Variants in PTGIS observed in about 807,000 individuals in gnomAD.
The protein encoded by PTGIS is prostaglandin I2 synthase.
Under a neutral mutation model 50.3 loss-of-function variants are expected in PTGIS, and 45 were observed. That is an observed-to-expected ratio of 0.90 (90% CI 0.70 to 1.15). PTGIS has a LOEUF of 1.15. PTGIS is among the 50% of genes most tolerant of loss of function. The pLI is 0.00. For synonymous variants in PTGIS, 260 were observed against 267.7 expected (o/e 0.97, Z 0.28); for missense variants, 668 against 661.3 (o/e 1.01, Z -0.11).
At chr20:49,546,143 T>A (rs1982352583) in intron 3 of PTGIS, among the ~76,000 whole-genome samples, 1 of 152,098 alleles carries the variant, frequency 6.6e-6, no homozygotes, top group African/African-American at 2.4e-5. Flanking sequence ...CCCACCCCAC[T>A]CCAAGCGCTG....
At chr20:49,549,020 T>C (rs965972402) in intron 2 of PTGIS, among the ~76,000 whole-genome samples, 6 of 151,140 alleles carry the variant, frequency 4.0e-5, no homozygotes, top group Non-Finnish European at 8.9e-5. Flanking sequence ...TGAATAGATG[T>C]TGTAAGGATG....
Position 49,563,337 on chromosome 20 carries a change from A to G in PTGIS, c.74+4706T>C, listed in dbSNP as rs982813251. Among the ~76,000 whole-genome samples the G allele has an allele frequency of 2.6e-5, 4 of 152,292 alleles. No individual in the cohort carries two copies. The East Asian group carries it at 7.7e-4, about 29-fold the overall frequency. On this transcript the variant is annotated intron_variant, in intron 1 of 9. Coordinates refer to ENST00000244043, the MANE Select transcript of PTGIS (RefSeq NM_000961.4). ...AGATGCTCTTCCATACCTGCCCCGC[A>G]CTGCTACCACTGTGCATAAAAAGCA... is the stretch of plus-strand genomic sequence containing the variant.
At chr20:49,517,810 T>C (rs1404237375) in intron 6 of PTGIS, among the ~76,000 whole-genome samples, 1 of 152,202 alleles carries the variant, frequency 6.6e-6, no homozygotes, top group Non-Finnish European at 1.5e-5. Context: ...TCCTTGTCGT[T>C]GGTAACAGCA....
At chr20:49,544,188 G>T in intron 4 of PTGIS, 117 bp downstream of exon 4, 1 of 1,378,470 alleles carries the variant, frequency 7.3e-7, no homozygotes, top group Non-Finnish European at 9.9e-7. Flanking sequence ...TGCTTTGGGT[G>T]TCTCAAATTG....
rs373643889 is a variant in PTGIS at position 49,560,266 on chromosome 20, C to T, written c.74+7777G>A. On this transcript the variant is annotated intron_variant, in intron 1 of 9. Transcript: ENST00000244043. The stretch of plus-strand genomic sequence containing the variant: ...GGGAGCTGGAGGGCCGTGGCATGAT[C>T]ATAGTTGACTATAACCTCAAACGTT... 3.3e-5 allele frequency among the ~76,000 whole-genome samples: 5 copies of T among 151,614 alleles called. No individual in the cohort carries two copies. In the South Asian group the frequency reaches 1.0e-3, roughly 32 times the overall value.
chr20:49,561,612 G>A (rs144097153), intron 1 of PTGIS, among the ~76,000 whole-genome samples: 16 of 152,320 alleles, frequency 1.1e-4, no homozygotes, highest in African/African-American at 3.6e-4. Context: ...TAAGAGGCAG[G>A]AGGGCATGGT....
At chr20:49,536,294 A>G (rs1982065852) in intron 5 of PTGIS, among the ~76,000 whole-genome samples, 1 of 152,202 alleles carries the variant, frequency 6.6e-6, no homozygotes, top group Non-Finnish European at 1.5e-5. Context: ...ATTCTCTCAT[A>G]ATGTAAACAA....
chr20:49,553,912 T>C (rs961777821), intron 1 of PTGIS, among the ~76,000 whole-genome samples: 1 of 152,134 alleles, frequency 6.6e-6, no homozygotes, highest in African/African-American at 2.4e-5. Context: ...TAATAAGGTT[T>C]ATAAAAAGAG....
intron 5 of PTGIS, among the ~76,000 whole-genome samples, chr20:49,524,553 A>AT (rs1271017025): frequency 5.9e-5 from 9 of 152,150 alleles, no homozygotes; most frequent in Admixed American, 5.9e-4. Context: ...ATAAATATGC[A>AT]TTGTATTAGT....
Position 49,540,351 on chromosome 20 carries a change from AGAG to A in PTGIS, c.522-633_522-631del, listed in dbSNP as rs376680844. Among the ~76,000 whole-genome samples, 17 of 152,288 alleles carry A rather than the reference AGAG, an allele frequency of 1.1e-4. No individual in the cohort carries two copies. The East Asian group carries it at 1.9e-3, about 17-fold the overall frequency. On this transcript the variant is annotated intron_variant, in intron 4 of 9. Coordinates refer to ENST00000244043, the MANE Select transcript of PTGIS (RefSeq NM_000961.4). This position sits in a 1 kb window ranked among gnomAD's most constrained non-coding sequence, Gnocchi z 4.8. Reference sequence around the variant, plus strand: ...CTGCAGGATGATCGGGGGAAGCAGAAGAGGAACGTGTTCAGGCAACAGGCACAG... The same window carrying A: ...CTGCAGGATGATCGGGGGAAGCAGAAGAACGTGTTCAGGCAACAGGCACAG...
chr20:49,551,924 T>G (rs1445939491), intron 1 of PTGIS, among the ~76,000 whole-genome samples: 1 of 152,006 alleles, frequency 6.6e-6, no homozygotes, highest in Non-Finnish European at 1.5e-5. Context: ...TCGACTGAAT[T>G]CTGTTTTCTC....
At position 49,507,980 on chromosome 20, in the gene PTGIS, G is replaced by T. The variant is rs369974031; in HGVS notation, c.1443C>A (p.Tyr481Ter). ...VEIPEFDLSR[Y>*]GFGLMQPEHD... ...GTTCCGGCTGCATCAGACCGAAGCCGTACCTGCTGAGGTCAAACTCAGGGA... is the reference window on the plus strand; with the variant it reads ...GTTCCGGCTGCATCAGACCGAAGCCTTACCTGCTGAGGTCAAACTCAGGGA... Residue 481 changes from tyrosine to a stop codon, truncating the protein, a stop_gained, in exon 10 of 10, where the codon TAC (tyrosine) becomes TAA (stop). Transcript: ENST00000244043. LOFTEE classifies it high-confidence loss of function. 2.5e-6 allele frequency: 4 copies of T among 1,613,828 alleles called. No individual in the cohort carries two copies. The highest frequency in any genetic ancestry group is 1.1e-5 in the South Asian group (1 of 91,074).
At chr20:49,550,746 T>G (rs1047282100) in intron 1 of PTGIS, among the ~76,000 whole-genome samples, 4 of 152,188 alleles carry the variant, frequency 2.6e-5, no homozygotes, top group African/African-American at 9.7e-5. Flanking sequence ...GAGCTAAGTT[T>G]TATTTTGTTG....
At chr20:49,530,847 C>T (rs908357956) in intron 5 of PTGIS, among the ~76,000 whole-genome samples, 1 of 152,154 alleles carries the variant, frequency 6.6e-6, no homozygotes, top group Non-Finnish European at 1.5e-5. Context: ...GCAACTTCCA[C>T]CTCCCGGGTT....
At chr20:49,531,651 A>C (rs2122865637) in intron 5 of PTGIS, among the ~76,000 whole-genome samples, 1 of 152,192 alleles carries the variant, frequency 6.6e-6, no homozygotes, top group Middle Eastern at 3.4e-3. Context: ...CTTTTGAGAC[A>C]AGGTCTTGCT....
intron 2 of PTGIS, among the ~76,000 whole-genome samples, 177 bp from the exon 3 acceptor site, chr20:49,548,196 C>T (rs1568682839): frequency 6.6e-6 from 1 of 152,164 alleles, no homozygotes; most frequent in Non-Finnish European, 1.5e-5. Context: ...ATCACTCACC[C>T]ATTTATAGCT....
At chr20:49,556,530 TATGG>T (rs1982625391) in intron 1 of PTGIS, among the ~76,000 whole-genome samples, 1 of 152,190 alleles carries the variant, frequency 6.6e-6, no homozygotes, top group Admixed American at 6.5e-5. Flanking sequence ...TCAGATTCCT[TATGG>T]AAAAGCTTCC....
chr20:49,539,946 A>G (rs1241494719), intron 4 of PTGIS, among the ~76,000 whole-genome samples: 1 of 152,220 alleles, frequency 6.6e-6, no homozygotes, highest in East Asian at 1.9e-4. Context: ...CGAGAGGATG[A>G]GTAAAATGAA....
chr20:49,525,212 A>G (rs1326089276), intron 5 of PTGIS, among the ~76,000 whole-genome samples: 2 of 152,218 alleles, frequency 1.3e-5, no homozygotes, highest in Non-Finnish European at 2.9e-5. Flanking sequence ...TAGCCCACCA[A>G]CCAGCCCTCG....
Sources: allele counts gnomAD v4.1 joint callset (sites outside exome capture counted in the v4.1 genomes callset), GRCh38; gene constraint gnomAD v4.1.1; non-coding constraint Gnocchi (gnomAD v3.1); transcripts MANE v1.5; gene names NCBI Gene and HGNC (gene_info 2026-07-23, HGNC 2026-07-21).